Variants in EFCAB5 observed in about 807,000 individuals in gnomAD.
The protein encoded by EFCAB5 is EF-hand calcium-binding domain-containing protein 5.
EFCAB5 carries 131 observed loss-of-function variants against 167.9 expected under a neutral mutation model. That is an observed-to-expected ratio of 0.78 (90% confidence interval 0.68 to 0.90). EFCAB5 has a LOEUF of 0.90. Ranked by LOEUF, EFCAB5 falls within the 40% of genes least tolerant of loss-of-function variation. The pLI is 0.00. For missense variants in EFCAB5, 1,663 were observed against 1,745.2 expected, an observed-to-expected ratio of 0.95 and a Z score of 0.84; for synonymous variants, 574 against 602.8, an observed-to-expected ratio of 0.95 and a Z score of 0.70.
In EFCAB5 at chr17:30,053,347, C is replaced by G. The variant is rs981704486; in HGVS notation, c.1393C>G (p.Leu465Val). Reference sequence around the variant, plus strand: ...CATTTATGAAGGTTTTGACAAAGTGCTCTTGGAGATGAATACATTACTTTC... The same window carrying G: ...CATTTATGAAGGTTTTGACAAAGTGGTCTTGGAGATGAATACATTACTTTC... ...KHIYEGFDKV[L>V]LEMNTLLSAN... The change falls in exon 10 of 23, where the codon CTC (leucine) becomes GTC (valine). Residue 465 changes from leucine to valine, a missense_variant. Leu to Val is a conservative substitution (Grantham distance 32, BLOSUM62 1). Transcript: ENST00000394835. The G allele has an allele frequency of 6.2e-7, 1 of 1,613,832 alleles. No individual in the cohort carries two copies. The highest frequency in any genetic ancestry group is 8.5e-7 in the Non-Finnish European group (1 of 1,179,880).
chr17:30,048,597 C>T (rs377372532), intron 8 of EFCAB5, among the ~76,000 whole-genome samples: 1 of 151,600 alleles, frequency 6.6e-6, no homozygotes, highest in Non-Finnish European at 1.5e-5. Context: ...TGGGTTCGAG[C>T]GATTCTCCTA....
chr17:29,997,202 G>A (rs1378798194), intron 6 of EFCAB5, among the ~76,000 whole-genome samples: 3 of 150,310 alleles, frequency 2.0e-5, no homozygotes, highest in Admixed American at 1.3e-4. Context: ...CCGAGGTGAC[G>A]CCACTGCACT....
chr17:30,008,842 G>C (rs1427442663), intron 7 of EFCAB5, among the ~76,000 whole-genome samples: 1 of 152,130 alleles, frequency 6.6e-6, no homozygotes. Flanking sequence ...GCTGAAAACA[G>C]CAGACATTTA....
At chr17:29,947,473 A>G (rs902981083) in intron 3 of EFCAB5, among the ~76,000 whole-genome samples, 2 of 152,224 alleles carry the variant, frequency 1.3e-5, no homozygotes, top group African/African-American at 2.4e-5. Context: ...GGTACAATGT[A>G]TACTACTCAG....
chr17:29,986,681 C>T (rs913402201), intron 4 of EFCAB5, among the ~76,000 whole-genome samples: 1 of 117,804 alleles, frequency 8.5e-6, no homozygotes, highest in Non-Finnish European at 1.6e-5. Flanking sequence ...CGGAGTCTCG[C>T]TGTCGCCCAG....
intron 7 of EFCAB5, among the ~76,000 whole-genome samples, chr17:30,004,260 G>T (rs921420548): frequency 6.6e-6 from 1 of 152,210 alleles, no homozygotes. Flanking sequence ...TGAGACTTGG[G>T]ATCTTATTTG....
chr17:29,974,935 A>G (rs929705841), intron 4 of EFCAB5, among the ~76,000 whole-genome samples: 7 of 152,124 alleles, frequency 4.6e-5, no homozygotes. Context: ...TCACACCTGT[A>G]ATCCCAGCAC....
At chr17:30,064,423 A>G (rs2070506536) in intron 14 of EFCAB5, among the ~76,000 whole-genome samples, 1 of 152,184 alleles carries the variant, frequency 6.6e-6, no homozygotes, top group African/African-American at 2.4e-5. Context: ...CAAGCAGAAA[A>G]ACTAATCTCT....
chr17:29,949,549 G>A (rs934840521), intron 3 of EFCAB5, among the ~76,000 whole-genome samples: 1 of 152,206 alleles, frequency 6.6e-6, no homozygotes, highest in Admixed American at 6.5e-5. Flanking sequence ...GGTTTAGGAT[G>A]TCCAACCAGA....
intron 22 of EFCAB5, among the ~76,000 whole-genome samples, chr17:30,104,861 G>T (rs909781200): frequency 3.3e-5 from 5 of 152,088 alleles, no homozygotes; most frequent in African/African-American, 1.2e-4. Flanking sequence ...TAAGCAACAG[G>T]GTCTTGTGAA....
At chr17:30,054,307 T>C (rs912841787) in intron 10 of EFCAB5, among the ~76,000 whole-genome samples, 159 bp downstream of exon 10, 2 of 152,196 alleles carry the variant, frequency 1.3e-5, no homozygotes, top group African/African-American at 4.8e-5. Context: ...GTCTAGACCT[T>C]GAACAATAAT....
intron 8 of EFCAB5, among the ~76,000 whole-genome samples, chr17:30,047,999 G>A (rs1291256097): frequency 6.6e-6 from 1 of 152,140 alleles, no homozygotes; most frequent in Non-Finnish European, 1.5e-5. Context: ...ATATGCATTG[G>A]CAAAGGAAAT....
chr17:30,056,172 G>A lies in EFCAB5; in HGVS notation c.2365+16G>A, dbSNP rs2070259894. On this transcript the variant is annotated intron_variant, in intron 12 of 22. Transcript: ENST00000394835. Reference sequence around the variant, plus strand: ...AGGTTCACAGGTACATGTTAACAATGAAAGTAGGAATAGATGGCAGTCCAA... The same window carrying A: ...AGGTTCACAGGTACATGTTAACAATAAAAGTAGGAATAGATGGCAGTCCAA... 6.3e-7 allele frequency: 1 copy of A among 1,593,604 alleles called. No individual in the cohort carries two copies. Among genetic ancestry groups the A allele is most frequent in the Admixed American group, 1.8e-5 (1 of 57,122 alleles).
intron 14 of EFCAB5, among the ~76,000 whole-genome samples, chr17:30,076,672 G>A (rs2070874765): frequency 6.6e-6 from 1 of 152,212 alleles, no homozygotes; most frequent in Admixed American, 6.5e-5. Context: ...ATACTTTAAA[G>A]GGGAAGGGTA....
intron 4 of EFCAB5, among the ~76,000 whole-genome samples, chr17:29,974,240 GC>G (rs1291569904): frequency 1.3e-5 from 2 of 151,160 alleles, no homozygotes; most frequent in African/African-American, 4.9e-5. Flanking sequence ...ACATTTATTT[GC>G]AGCTTTTTTG....
chr17:30,002,424 AGGTCTACTG>A (rs1366074249), intron 7 of EFCAB5, among the ~76,000 whole-genome samples: 1 of 152,236 alleles, frequency 6.6e-6, no homozygotes, highest in Non-Finnish European at 1.5e-5. Context: ...AGTACCACAA[AGGTCTACTG>A]GGTCTACTGG....
At chr17:30,021,889 G>A (rs2069188041) in intron 7 of EFCAB5, among the ~76,000 whole-genome samples, 1 of 152,118 alleles carries the variant, frequency 6.6e-6, no homozygotes, top group African/African-American at 2.4e-5. Context: ...GTTACACACA[G>A]GTGCCGCCTA....
At chr17:29,937,766 A>G (rs2151509169), upstream of EFCAB5, among the ~76,000 whole-genome samples, 1 of 152,322 alleles carries the variant, frequency 6.6e-6, no homozygotes, top group East Asian at 1.9e-4. Context: ...CTATAGCCCT[A>G]CTAAACCACT....
intron 22 of EFCAB5, 98 bp from the exon 23 acceptor site, chr17:30,107,736 A>T: frequency 1.8e-6 from 2 of 1,086,620 alleles, no homozygotes; most frequent in Non-Finnish European, 2.4e-6. Flanking sequence ...GACTCAAAAC[A>T]TATCTAATGA....
Sources: allele counts gnomAD v4.1 joint callset (sites outside exome capture counted in the v4.1 genomes callset), GRCh38; gene constraint gnomAD v4.1.1; transcripts MANE v1.5; gene names NCBI Gene and HGNC (gene_info 2026-07-23, HGNC 2026-07-21).